The following PRKN variants were observed in gnomAD, a reference collection of about 807,000 sequenced individuals.
The protein encoded by PRKN is E3 ubiquitin-protein ligase parkin.
Under a neutral mutation model 59.5 loss-of-function variants are expected in PRKN, and 56 were observed. The observed-to-expected ratio is 0.94, with a 90% CI of 0.76 to 1.18. The LOEUF is 1.18. PRKN is among the 50% of genes most tolerant of loss of function. The probability of loss-of-function intolerance (pLI) is 0.00; values close to 1 mark genes in which losing one functional copy is unlikely to be tolerated. For missense variants in PRKN, 657 were observed against 596.4 expected (o/e 1.10, Z -1.06); for synonymous variants, 250 against 222.1 (o/e 1.13, Z -1.12).
chr6:161,657,121 A>G (rs1192308219), intron 7 of PRKN, among the ~76,000 whole-genome samples: 1 of 152,142 alleles, frequency 6.6e-6, no homozygotes, highest in Non-Finnish European at 1.5e-5. Context: ...CTTTATTATC[A>G]TTCTGTCTAA....
chr6:162,010,473 T>C (rs188465834), intron 5 of PRKN, among the ~76,000 whole-genome samples: 2,260 of 19,222 alleles, frequency 0.12, 94 homozygotes, highest in East Asian at 0.17. Context: ...ATATATATTA[T>C]ATAATGTATT....
chr6:161,827,228 T>C (rs1792283627), intron 6 of PRKN, among the ~76,000 whole-genome samples: 1 of 152,204 alleles, frequency 6.6e-6, no homozygotes, highest in Admixed American at 6.5e-5. Context: ...GGGGCTCTGT[T>C]CATCTGAAGA....
At chr6:161,814,650 G>A (rs1791695758) in intron 6 of PRKN, among the ~76,000 whole-genome samples, 1 of 152,114 alleles carries the variant, frequency 6.6e-6, no homozygotes, top group African/African-American at 2.4e-5. Context: ...TTACAGGCAT[G>A]TGCCACCACG....
intron 6 of PRKN, among the ~76,000 whole-genome samples, chr6:161,930,222 T>C (rs1779121950): frequency 6.6e-6 from 1 of 152,212 alleles, no homozygotes; most frequent in Admixed American, 6.5e-5. Context: ...GCCAGATGGA[T>C]GAATGATTGC....
intron 6 of PRKN, among the ~76,000 whole-genome samples, chr6:161,827,296 G>A (rs1792286149): frequency 6.6e-6 from 1 of 152,200 alleles, no homozygotes; most frequent in African/African-American, 2.4e-5. Flanking sequence ...AGGTAGTCTA[G>A]GGAACTGAGA....
chr6:161,528,921 C>T (rs1182524467), intron 9 of PRKN, among the ~76,000 whole-genome samples: 5 of 152,132 alleles, frequency 3.3e-5, no homozygotes, highest in South Asian at 2.1e-4. Context: ...GGCCTCATAC[C>T]GTGTACCAAG....
rs1382000087 is a variant in PRKN at position 161,444,943 on chromosome 6, C to T, written c.1084-58066G>A. Among the ~76,000 whole-genome samples the T allele has an allele frequency of 6.6e-6, 1 of 152,142 alleles. No homozygotes were observed. The highest frequency in any genetic ancestry group is 1.5e-5 in the Non-Finnish European group (1 of 68,016). The stretch of plus-strand genomic sequence containing the variant: ...CCAGTACCTCTCCAGTCTTCATTTT[C>T]ATTTATCCTTAGCATGGTCTTTTCT... On this transcript the variant is annotated intron_variant, in intron 9 of 11. Transcript: ENST00000366898. The surrounding 1 kb of genome is among the most constrained non-coding windows in gnomAD (Gnocchi z 5.6).
chr6:161,874,436 T>TTATATATAAAATATATATTATATGTAAAA (rs1554237718), intron 6 of PRKN, among the ~76,000 whole-genome samples: 2 of 39,430 alleles, frequency 5.1e-5, no homozygotes, highest in South Asian at 6.5e-4. Context: ...ATGTAAAATA[T>TTATATATAAAATATATATTATATGTAAAA]TATATATAAA....
At chr6:161,725,066 G>A (rs1297140906) in intron 7 of PRKN, among the ~76,000 whole-genome samples, 1 of 152,122 alleles carries the variant, frequency 6.6e-6, no homozygotes. Flanking sequence ...AAAGTTCCTT[G>A]AGGCCTCCGT....
chr6:162,586,302 G>T (rs1023487841), intron 1 of PRKN, among the ~76,000 whole-genome samples: 2 of 152,154 alleles, frequency 1.3e-5, no homozygotes, highest in Non-Finnish European at 2.9e-5. Flanking sequence ...ATAATATCCT[G>T]ATATTGGCAT....
At chr6:161,843,034 G>A (rs1324780689) in intron 6 of PRKN, among the ~76,000 whole-genome samples, 2 of 152,184 alleles carry the variant, frequency 1.3e-5, no homozygotes, top group Non-Finnish European at 2.9e-5. Flanking sequence ...CCTTGGAGGA[G>A]AGAAGTCTGA....
At chr6:162,015,058 T>C (rs1782882879) in intron 5 of PRKN, among the ~76,000 whole-genome samples, 2 of 152,174 alleles carry the variant, frequency 1.3e-5, no homozygotes, top group African/African-American at 4.8e-5. Context: ...TTGAGTAAAC[T>C]TGCAGCATGA....
intron 7 of PRKN, among the ~76,000 whole-genome samples, chr6:161,689,832 G>T (rs944214405): frequency 5.3e-5 from 8 of 151,876 alleles, no homozygotes; most frequent in Admixed American, 5.2e-4. Flanking sequence ...TACCTCAACT[G>T]CCCAAGTAGC....
intron 6 of PRKN, among the ~76,000 whole-genome samples, chr6:161,820,995 T>A (rs1791999199): frequency 6.6e-6 from 1 of 151,962 alleles, no homozygotes. Flanking sequence ...AATATAATAA[T>A]TCACAGACAC....
intron 6 of PRKN, among the ~76,000 whole-genome samples, chr6:161,899,315 T>C (rs1362897901): frequency 6.6e-6 from 1 of 152,224 alleles, no homozygotes; most frequent in Non-Finnish European, 1.5e-5. Context: ...AAATCAATTT[T>C]TTACAAAGGT....
intron 1 of PRKN, among the ~76,000 whole-genome samples, chr6:162,671,365 GGC>G (rs922438724): frequency 2.0e-5 from 3 of 152,164 alleles, no homozygotes; most frequent in Non-Finnish European, 4.4e-5. Context: ...TGGGTGTGGT[GGC>G]GCGCGCCTGT....
chr6:161,430,423 C>A (rs142079856), intron 9 of PRKN, among the ~76,000 whole-genome samples: 479 of 152,304 alleles, frequency 3.1e-3, no homozygotes, highest in Non-Finnish European at 5.8e-3. Context: ...TCACCAACTT[C>A]TGTTTAATTG....
intron 1 of PRKN, among the ~76,000 whole-genome samples, chr6:162,573,462 C>T (rs1268548669): frequency 6.6e-6 from 1 of 152,182 alleles, no homozygotes; most frequent in Non-Finnish European, 1.5e-5. Flanking sequence ...TCCTTTGAAA[C>T]CTCCTCGTTG....
At chr6:162,230,940 A>G (rs1457769398) in intron 3 of PRKN, among the ~76,000 whole-genome samples, 1 of 152,212 alleles carries the variant, frequency 6.6e-6, no homozygotes, top group Non-Finnish European at 1.5e-5. Flanking sequence ...TCAAAGTAAC[A>G]TCGTGGGTTC....
Sources: gnomAD v4.1 joint callset for allele counts (sites outside exome capture counted in the v4.1 genomes callset) on GRCh38, gnomAD v4.1.1 for gene constraint, Gnocchi (gnomAD v3.1) non-coding constraint, MANE v1.5 for transcripts, NCBI Gene and HGNC (gene_info 2026-07-23, HGNC 2026-07-21) for gene names.